MAK: variants seen among roughly 807,000 people sequenced by gnomAD.
MAK encodes the protein male germ cell associated kinase.
MAK carries 65 observed loss-of-function variants against 82.6 expected under a neutral mutation model. The ratio of observed to expected loss-of-function variants is 0.79; its 90% confidence interval spans 0.64 to 0.97. The LOEUF (loss-of-function observed/expected upper bound fraction) is 0.97. Among genes scored for constraint, MAK ranks in the 50% least tolerant of loss-of-function variants. The probability of loss-of-function intolerance (pLI) is 0.00; values close to 1 mark genes in which losing one functional copy is unlikely to be tolerated. For missense variants in MAK, 703 were observed against 780.2 expected, an observed-to-expected ratio of 0.90 and a Z score of 1.18; for synonymous variants, 250 against 274.2, an observed-to-expected ratio of 0.91 and a Z score of 0.87.
At chr6:10,802,141 T>C (rs1037886943) in intron 7 of MAK, 82 bp from the exon 8 acceptor site, 4 of 1,019,106 alleles carry the variant, frequency 3.9e-6, no homozygotes, top group Non-Finnish European at 3.0e-6. Flanking sequence ...ACAGCAGTAA[T>C]ATAAACATCA....
chr6:10,782,283 T>G (rs987210567), intron 11 of MAK, among the ~76,000 whole-genome samples: 11 of 151,900 alleles, frequency 7.2e-5, no homozygotes, highest in Non-Finnish European at 1.6e-4. Flanking sequence ...CCTATTTAGA[T>G]CGCCAAATAC....
chr6:10,795,924 A>T, intron 9 of MAK, 74 bp downstream of exon 9: 1 of 1,487,618 alleles, frequency 6.7e-7, no homozygotes, highest in Non-Finnish European at 9.4e-7. Context: ...CAACATTATT[A>T]GAAATGCCTC....
chr6:10,765,440 A>ATTTTTTTTTTTTTTTTT (rs200536068), intron 14 of MAK, among the ~76,000 whole-genome samples: 4 of 130,616 alleles, frequency 3.1e-5, no homozygotes, highest in African/African-American at 1.0e-4. Flanking sequence ...TAGAATGAAG[A>ATTTTTTTTTTTTTTTTT]TTTTTTTTTT....
At chr6:10,781,617 T>C (rs1773974237) in intron 11 of MAK, among the ~76,000 whole-genome samples, 1 of 151,780 alleles carries the variant, frequency 6.6e-6, no homozygotes, top group Non-Finnish European at 1.5e-5. Context: ...AGAGACAGGG[T>C]TTTGCCATGT....
At chr6:10,781,152 T>C (rs1561941328) in intron 11 of MAK, among the ~76,000 whole-genome samples, 1 of 152,168 alleles carries the variant, frequency 6.6e-6, no homozygotes, top group Non-Finnish European at 1.5e-5. Context: ...TAAGCTCCTC[T>C]TCACAGCCAT....
chr6:10,810,936 A>G (rs771842018), intron 5 of MAK, among the ~76,000 whole-genome samples: 2 of 152,190 alleles, frequency 1.3e-5, no homozygotes. Context: ...TAATATACAT[A>G]TATTAATAAT....
chr6:10,813,128 ATATATAAATTTTTTTT>A (rs1777160372), intron 5 of MAK, among the ~76,000 whole-genome samples: 12 of 682 alleles, frequency 0.018, 1 homozygote, highest in Non-Finnish European at 0.028. Flanking sequence ...ATATATATAT[ATATATAAATTTTTTTT>A]TTTTTTTTTT....
At position 10,784,559 on chromosome 6, in the gene MAK, C is replaced by G. The variant is rs556048925; in HGVS notation, c.1330G>C (p.Val444Leu). 1.2e-6 allele frequency: 2 copies of G among 1,614,030 alleles called. No individual in the cohort carries two copies. Among genetic ancestry groups the G allele is most frequent in the South Asian group, 1.1e-5 (1 of 91,062 alleles). The change falls in exon 11 of 15, where the codon GTA becomes CTA. Residue 444 changes from valine to leucine, a missense_variant. By Grantham distance (32) the Val-to-Leu change is conservative (BLOSUM62 1). Coordinates refer to ENST00000354489, the MANE Select transcript of MAK (RefSeq NM_001242957.3). ...GTCGAGTGGTTGGAGCCTGAGGGTA[C>G]TGGCTCTGGAAGCCTTGAAAGCCAA... ...KDSPFRLPEP[V>L]PSGSNHSTGE...
At chr6:10,774,442 T>C (rs1391728263) in intron 12 of MAK, among the ~76,000 whole-genome samples, 1 of 151,288 alleles carries the variant, frequency 6.6e-6, no homozygotes, top group Non-Finnish European at 1.5e-5. Context: ...AGGGCTATTT[T>C]CTCTCTCTTT....
At chr6:10,770,087 A>G in intron 14 of MAK, 24 bp downstream of exon 14, 4 of 1,614,152 alleles carry the variant, frequency 2.5e-6, no homozygotes, top group Non-Finnish European at 3.4e-6. Flanking sequence ...GAATCTAGAA[A>G]ACTGTATCTG....
chr6:10,772,086 G>C (rs962943962), intron 13 of MAK, among the ~76,000 whole-genome samples: 2 of 152,206 alleles, frequency 1.3e-5, no homozygotes, highest in Admixed American at 6.5e-5. Context: ...CACAAAAGCT[G>C]GTGAGTGACA....
chr6:10,784,896 G>C (rs1436604432), intron 10 of MAK: 1 of 510,412 alleles, frequency 2.0e-6, no homozygotes. Context: ...TGTGCTGAGA[G>C]GGAAATAACA....
intron 10 of MAK, among the ~76,000 whole-genome samples, chr6:10,787,207 C>T (rs1184656367): frequency 2.0e-5 from 3 of 152,272 alleles, no homozygotes; most frequent in East Asian, 1.9e-4. Flanking sequence ...ACCTCCTGTT[C>T]ACCACTCCGC....
intron 9 of MAK, 63 bp from the exon 10 acceptor site, chr6:10,791,910 C>A: frequency 6.5e-7 from 1 of 1,540,392 alleles, no homozygotes; most frequent in South Asian, 1.1e-5. Context: ...CATGCACAAG[C>A]TACTATCTAT....
chr6:10,813,379 G>A (rs987994208), intron 5 of MAK, among the ~76,000 whole-genome samples: 1 of 149,890 alleles, frequency 6.7e-6, no homozygotes, highest in African/African-American at 2.5e-5. Flanking sequence ...TCTCAAACTC[G>A]TTTGACCTCA....
rs575177068 is a variant in MAK at position 10,816,061 on chromosome 6, C to T, written c.278+1789G>A. On this transcript the variant is annotated intron_variant, in intron 4 of 14. Coordinates refer to ENST00000354489, the MANE Select transcript of MAK (RefSeq NM_001242957.3). ...CCCTCCTGGCCAACGCAGTGAAACC[C>T]TGTCTCTACTAAAAATACAAAAATT... 8.1e-3 allele frequency among the ~76,000 whole-genome samples: 1,231 copies of T among 151,460 alleles called. 19 individuals are homozygous for T. The highest frequency in any genetic ancestry group is 0.028 in the African/African-American group (1,168 of 41,190).
Position 10,813,112 on chromosome 6 carries a change from ATATATATATATATATATATATAAATTTT to A in MAK, c.358+504_358+531del, listed in dbSNP as rs1777118565. Among the ~76,000 whole-genome samples the A allele has an allele frequency of 4.1e-3, 10 of 2,410 alleles. 1 individual carries two copies. The highest frequency in any genetic ancestry group is 0.012 in the Admixed American group (2 of 172). The allele number at this position is 2,410 out of a possible 152,430, so 1.6% of individuals were successfully genotyped here. A position where few individuals can be genotyped will look rare whatever the true frequency, so the allele number is the denominator to read the frequency against. On this transcript the variant is annotated intron_variant, in intron 5 of 14. Transcript: ENST00000354489. Reference sequence around the variant, plus strand: ...TATATATATATATATATATATATATATATATATATATATATATATATAAATTTTTTTTTTTTTTTTTTTTTTTTTTTTT... The same window carrying A: ...TATATATATATATATATATATATATATTTTTTTTTTTTTTTTTTTTTTTTT...
chr6:10,810,833 G>A (rs1776873136), intron 5 of MAK, among the ~76,000 whole-genome samples: 1 of 152,100 alleles, frequency 6.6e-6, no homozygotes, highest in Non-Finnish European at 1.5e-5. Context: ...ACAGGAATGG[G>A]ACCATGTGAT....
intron 3 of MAK, among the ~76,000 whole-genome samples, 176 bp downstream of exon 3, chr6:10,818,710 C>T (rs767042760): frequency 1.4e-4 from 21 of 151,586 alleles, no homozygotes; most frequent in African/African-American, 3.6e-4. Flanking sequence ...TATAATTATA[C>T]GCTGTTCTCC....
Sources: allele counts gnomAD v4.1 joint callset (sites outside exome capture counted in the v4.1 genomes callset), GRCh38; gene constraint gnomAD v4.1.1; transcripts MANE v1.5; gene names NCBI Gene and HGNC (gene_info 2026-07-23, HGNC 2026-07-21).